The following PCDH9 variants were observed in gnomAD, a reference collection of about 807,000 sequenced individuals.
PCDH9 encodes the protein protocadherin-9.
Under a neutral mutation model 70.6 loss-of-function variants are expected in PCDH9, and 24 were observed. That is an observed-to-expected ratio of 0.34 (90% CI 0.25 to 0.48). PCDH9 has a LOEUF of 0.48. Ranked by LOEUF, PCDH9 falls within the 20% of genes least tolerant of loss-of-function variation. PCDH9 has a pLI of 0.99. For synonymous variants in PCDH9, 562 were observed against 558.5 expected (o/e 1.01, Z -0.09); for missense variants, 1,281 against 1,503.6 (o/e 0.85, Z 2.45).
At position 66,717,672 on chromosome 13, in the gene PCDH9, T is replaced by G. The variant is rs147168666; in HGVS notation, c.3139-86261A>C. On this transcript the variant is annotated intron_variant, in intron 3 of 4. Coordinates refer to ENST00000377865, the MANE Select transcript of PCDH9 (RefSeq NM_203487.3). ...ATTGCCTTTAGAACAGAGCAAAATG[T>G]ACAATCAGCTTGTAGTCAGGCTTCC... 1.1e-3 allele frequency among the ~76,000 whole-genome samples: 162 copies of G among 151,794 alleles called. 1 individual carries two copies. The highest frequency in any genetic ancestry group is 1.9e-3 in the Non-Finnish European group (130 of 67,936).
At chr13:66,638,177 T>A (rs2077664168) in intron 3 of PCDH9, among the ~76,000 whole-genome samples, 1 of 152,170 alleles carries the variant, frequency 6.6e-6, no homozygotes, top group Non-Finnish European at 1.5e-5. Flanking sequence ...ATTCCACAAC[T>A]TCCTAAATAA....
intron 4 of PCDH9, among the ~76,000 whole-genome samples, chr13:66,600,770 G>A (rs1331162649): frequency 1.0e-4 from 4 of 39,616 alleles, no homozygotes; most frequent in East Asian, 8.9e-4. Flanking sequence ...AAGAACGTGT[G>A]TGTGTGTGTG....
intron 2 of PCDH9, among the ~76,000 whole-genome samples, chr13:66,947,440 T>C (rs556485852): frequency 3.9e-5 from 6 of 152,116 alleles, no homozygotes; most frequent in African/African-American, 9.7e-5. Context: ...TACCCCTTAT[T>C]ATGAGTGTAA....
chr13:66,812,739 T>C (rs770624095), intron 3 of PCDH9, among the ~76,000 whole-genome samples: 1 of 152,202 alleles, frequency 6.6e-6, no homozygotes, highest in Non-Finnish European at 1.5e-5. Flanking sequence ...CACAGTGTAG[T>C]TGTTACAGAA....
At chr13:66,683,849 G>C (rs2078362212) in intron 3 of PCDH9, among the ~76,000 whole-genome samples, 1 of 133,342 alleles carries the variant, frequency 7.5e-6, no homozygotes, top group Non-Finnish European at 1.7e-5. Context: ...CCAAAGTTAA[G>C]CCCTTTTTTC....
At chr13:66,654,766 A>G (rs569202333) in intron 3 of PCDH9, among the ~76,000 whole-genome samples, 70 of 152,268 alleles carry the variant, frequency 4.6e-4, no homozygotes, top group African/African-American at 1.6e-3. Flanking sequence ...GTGCAGTGGC[A>G]TGACGACCTC....
chr13:67,151,265 G>T (rs905163494), intron 2 of PCDH9, among the ~76,000 whole-genome samples: 6 of 152,060 alleles, frequency 3.9e-5, no homozygotes, highest in African/African-American at 1.4e-4. Flanking sequence ...TGATTTCTCT[G>T]CTACTAAAGT....
chr13:66,646,067 T>A (rs895603149), intron 3 of PCDH9, among the ~76,000 whole-genome samples: 1 of 152,200 alleles, frequency 6.6e-6, no homozygotes, highest in Non-Finnish European at 1.5e-5. Context: ...TTGTTTGAAT[T>A]CCTGTGTGGA....
intron 2 of PCDH9, among the ~76,000 whole-genome samples, chr13:66,926,888 C>G (rs1458642638): frequency 6.6e-6 from 1 of 151,944 alleles, no homozygotes; most frequent in Non-Finnish European, 1.5e-5. Context: ...AGAGTTTTAT[C>G]AGAAAGACAA....
intron 4 of PCDH9, among the ~76,000 whole-genome samples, chr13:66,381,862 TAGAC>T (rs1204055601): frequency 2.0e-5 from 3 of 152,130 alleles, no homozygotes; most frequent in African/African-American, 7.2e-5. Context: ...TGCAGTAAAT[TAGAC>T]AGGAGTTTTT....
intron 2 of PCDH9, among the ~76,000 whole-genome samples, chr13:66,917,360 C>T (rs745829563): frequency 2.6e-5 from 4 of 151,342 alleles, no homozygotes; most frequent in African/African-American, 9.7e-5. Flanking sequence ...CATTTTTTAC[C>T]ATCTTTGAGA....
chr13:66,747,584 T>C (rs560176251), intron 3 of PCDH9, among the ~76,000 whole-genome samples: 22 of 152,234 alleles, frequency 1.4e-4, no homozygotes, highest in Non-Finnish European at 3.1e-4. Flanking sequence ...AAGAATATAC[T>C]TATTAGGTGG....
At chr13:66,954,556 G>A (rs2083237454) in intron 2 of PCDH9, among the ~76,000 whole-genome samples, 1 of 152,188 alleles carries the variant, frequency 6.6e-6, no homozygotes, top group Non-Finnish European at 1.5e-5. Context: ...TACCAAGGGT[G>A]CTGGGTCTAT....
intron 2 of PCDH9, among the ~76,000 whole-genome samples, chr13:66,953,335 G>T (rs1478817795): frequency 1.3e-5 from 2 of 152,138 alleles, no homozygotes; most frequent in South Asian, 2.1e-4. Flanking sequence ...TATCTAGCTG[G>T]ATTTGTTCAT....
At chr13:66,709,344 A>C (rs1226874577) in intron 3 of PCDH9, among the ~76,000 whole-genome samples, 2 of 152,310 alleles carry the variant, frequency 1.3e-5, no homozygotes, top group East Asian at 3.9e-4. Context: ...CAATAACTAA[A>C]TACAATTGTA....
intron 3 of PCDH9, among the ~76,000 whole-genome samples, chr13:66,819,325 G>GGA (rs2080667542): frequency 6.8e-6 from 1 of 147,860 alleles, no homozygotes; most frequent in Admixed American, 6.7e-5. Flanking sequence ...TTGATGAGGA[G>GGA]AAAAAAAAAA....
At chr13:66,787,411 T>A (rs1344300657) in intron 3 of PCDH9, among the ~76,000 whole-genome samples, 1 of 151,620 alleles carries the variant, frequency 6.6e-6, no homozygotes, top group Non-Finnish European at 1.5e-5. Context: ...AGGTCAGGAG[T>A]TTGAGACCAG....
intron 4 of PCDH9, among the ~76,000 whole-genome samples, chr13:66,322,849 T>C (rs1955778936): frequency 6.6e-6 from 1 of 152,004 alleles, no homozygotes; most frequent in Non-Finnish European, 1.5e-5. Flanking sequence ...AAAAACATCT[T>C]TATATACTTC....
At chr13:67,175,977 G>A (rs551176777) in intron 2 of PCDH9, among the ~76,000 whole-genome samples, 64 of 151,672 alleles carry the variant, frequency 4.2e-4, no homozygotes, top group Non-Finnish European at 7.4e-4. Context: ...TTCATTCACA[G>A]CAAGAAGATG....
Sources: allele counts gnomAD v4.1 joint callset (sites outside exome capture counted in the v4.1 genomes callset), GRCh38; gene constraint gnomAD v4.1.1; transcripts MANE v1.5; gene names NCBI Gene and HGNC (gene_info 2026-07-23, HGNC 2026-07-21).